Variants in MALRD1 observed in about 807,000 individuals in gnomAD.
MALRD1 encodes the protein MAM and LDL-receptor class A domain-containing protein 1.
A neutral mutation model predicts 242.1 loss-of-function variants in MALRD1; 247 were observed. That is an observed-to-expected ratio of 1.02 (90% CI 0.92 to 1.13). The LOEUF (loss-of-function observed/expected upper bound fraction) is 1.13, where lower values mean the gene tolerates loss of function less well. Among genes scored for constraint, MALRD1 ranks in the 50% most tolerant of loss-of-function variants. The probability of loss-of-function intolerance (pLI) is 0.00; values close to 1 mark genes in which losing one functional copy is unlikely to be tolerated. For missense variants in MALRD1, 2,989 were observed against 2,533.1 expected, an observed-to-expected ratio of 1.18 and a Z score of -3.86; for synonymous variants, 995 against 866.6, an observed-to-expected ratio of 1.15 and a Z score of -2.60.
At chr10:19,054,834 G>A (rs539772770) in intron 1 of MALRD1, among the ~76,000 whole-genome samples, 13 of 152,228 alleles carry the variant, frequency 8.5e-5, no homozygotes, top group South Asian at 2.1e-4. Flanking sequence ...ACATCTTGGC[G>A]ATTGTGAATA....
chr10:19,616,627 A>G (rs955315388), intron 36 of MALRD1, among the ~76,000 whole-genome samples: 3 of 152,010 alleles, frequency 2.0e-5, no homozygotes, highest in African/African-American at 7.2e-5. Context: ...CTTATTAGAA[A>G]ACTCATTGAA....
At chr10:19,495,714 C>A (rs1214846474) in intron 30 of MALRD1, among the ~76,000 whole-genome samples, 5 of 152,116 alleles carry the variant, frequency 3.3e-5, no homozygotes, top group Non-Finnish European at 7.4e-5. Context: ...GGATTAAATC[C>A]ATGCATTGTC....
chr10:19,572,089 A>G (rs1191785883), intron 33 of MALRD1, among the ~76,000 whole-genome samples: 1 of 152,214 alleles, frequency 6.6e-6, no homozygotes, highest in Non-Finnish European at 1.5e-5. Context: ...AGATTCCACT[A>G]AAAACAGCAG....
intron 38 of MALRD1, among the ~76,000 whole-genome samples, chr10:19,729,983 C>T (rs564251225): frequency 1.6e-4 from 24 of 151,624 alleles, no homozygotes; most frequent in Admixed American, 4.6e-4. Context: ...GTGATCCGCC[C>T]GCCTCGGCCT....
chr10:19,399,376 G>A (rs1846727633), intron 28 of MALRD1, among the ~76,000 whole-genome samples: 1 of 152,118 alleles, frequency 6.6e-6, no homozygotes, highest in Non-Finnish European at 1.5e-5. Context: ...TTCAGCACAT[G>A]ATAGTAACTG....
At chr10:19,586,976 G>A (rs1837451693) in intron 33 of MALRD1, among the ~76,000 whole-genome samples, 1 of 152,250 alleles carries the variant, frequency 6.6e-6, no homozygotes, top group Admixed American at 6.5e-5. Flanking sequence ...TTGGGTGGGA[G>A]TGACCCGATT....
intron 26 of MALRD1, among the ~76,000 whole-genome samples, chr10:19,372,311 T>C (rs529089854): frequency 2.0e-5 from 3 of 152,086 alleles, no homozygotes; most frequent in Non-Finnish European, 4.4e-5. Flanking sequence ...TTATCTCTCA[T>C]AGGGCAAAGG....
chr10:19,476,729 C>T (rs546933180), intron 29 of MALRD1, among the ~76,000 whole-genome samples: 1 of 152,286 alleles, frequency 6.6e-6, no homozygotes, highest in Admixed American at 6.5e-5. Flanking sequence ...TTACTTTGGA[C>T]ACCATTCCAG....
At chr10:19,250,533 T>C (rs1839252319) in intron 18 of MALRD1, among the ~76,000 whole-genome samples, 1 of 151,978 alleles carries the variant, frequency 6.6e-6, no homozygotes, top group Non-Finnish European at 1.5e-5. Context: ...TCAACACTGA[T>C]TCTTTTTAAA....
chr10:19,446,410 A>G (rs565203208), intron 28 of MALRD1, among the ~76,000 whole-genome samples: 18 of 152,352 alleles, frequency 1.2e-4, no homozygotes, highest in East Asian at 1.2e-3. Context: ...AAAGATGTCA[A>G]TTGGAAAAAA....
intron 2 of MALRD1, among the ~76,000 whole-genome samples, chr10:19,082,519 T>G (rs1331229674): frequency 6.6e-6 from 1 of 151,968 alleles, no homozygotes; most frequent in Non-Finnish European, 1.5e-5. Flanking sequence ...CCTTAGCTCT[T>G]TGAAAACATT....
At chr10:19,560,989 AT>A (rs1187081705) in intron 32 of MALRD1, among the ~76,000 whole-genome samples, 1 of 152,198 alleles carries the variant, frequency 6.6e-6, no homozygotes, top group African/African-American at 2.4e-5. Flanking sequence ...AAAGGAAAAA[AT>A]AAAAATAATT....
chr10:19,060,410 G>T (rs1229237543), intron 1 of MALRD1, among the ~76,000 whole-genome samples: 1 of 152,018 alleles, frequency 6.6e-6, no homozygotes, highest in African/African-American at 2.4e-5. Context: ...GTTCCTTTTT[G>T]ATCTATTTTC....
At chr10:19,607,663 G>GA (rs879549881) in intron 34 of MALRD1, 114 bp from the exon 35 acceptor site, 69 of 1,308,900 alleles carry the variant, frequency 5.3e-5, no homozygotes, top group Non-Finnish European at 6.7e-5. Flanking sequence ...TATCAGACTA[G>GA]AAAAAATCAA....
intron 32 of MALRD1, among the ~76,000 whole-genome samples, chr10:19,566,790 A>G (rs1242178408): frequency 1.3e-5 from 2 of 151,930 alleles, no homozygotes; most frequent in Non-Finnish European, 2.9e-5. Flanking sequence ...CAAAAAGAGA[A>G]TATAGAAATA....
chr10:19,299,325 G>A (rs1265021334), intron 21 of MALRD1, among the ~76,000 whole-genome samples: 3 of 151,882 alleles, frequency 2.0e-5, no homozygotes, highest in South Asian at 4.1e-4. Context: ...ACAAAGTAAA[G>A]GGGTGGAGAA....
intron 33 of MALRD1, among the ~76,000 whole-genome samples, chr10:19,591,918 A>G (rs1338835029): frequency 6.6e-6 from 1 of 152,244 alleles, no homozygotes; most frequent in African/African-American, 2.4e-5. Context: ...TATATCAAAA[A>G]GTATAGATTT....
At chr10:19,204,527 T>A in intron 16 of MALRD1, 114 bp downstream of exon 16, 1 of 679,998 alleles carries the variant, frequency 1.5e-6, no homozygotes, top group Non-Finnish European at 2.4e-6. Flanking sequence ...GGTTTTACTC[T>A]AAAAATAGTA....
chr10:19,224,566 C>T (rs779687588), intron 18 of MALRD1, among the ~76,000 whole-genome samples: 10 of 152,208 alleles, frequency 6.6e-5, no homozygotes, highest in Non-Finnish European at 1.0e-4. Context: ...GATGGGATTA[C>T]AGGCGTGAGC....
Sources: allele counts gnomAD v4.1 joint callset (sites outside exome capture counted in the v4.1 genomes callset), GRCh38; gene constraint gnomAD v4.1.1; transcripts MANE v1.5; gene names NCBI Gene and HGNC (gene_info 2026-07-23, HGNC 2026-07-21).